Variants in MUC5AC observed in about 807,000 individuals in gnomAD.
MUC5AC encodes mucin-5AC.
A neutral mutation model predicts 169.7 loss-of-function variants in MUC5AC; 158 were observed. The ratio of observed to expected loss-of-function variants is 0.93; its 90% CI spans 0.82 to 1.06. The LOEUF (loss-of-function observed/expected upper bound fraction) is 1.06, where lower values mean the gene tolerates loss of function less well. Among genes scored for constraint, MUC5AC ranks in the 50% least tolerant of loss-of-function variants. MUC5AC has a pLI of 0.00. For synonymous variants in MUC5AC, 1,975 were observed against 1,237.0 expected, an observed-to-expected ratio of 1.60 and a Z score of -12.52; for missense variants, 4,359 against 3,089.9, an observed-to-expected ratio of 1.41 and a Z score of -9.74.
rs1414453898 is a variant in MUC5AC, at chr11:1,194,999, C to T, written c.15191-13C>T. ...TGCTGTCCAGCAGCCTGACCCCCAC[C>T]GCGTCTGCCCAGGCACTTGCACCAA... On this transcript the variant is annotated splice_polypyrimidine_tract_variant and intron_variant, in intron 35 of 48. Coordinates refer to ENST00000621226, the MANE Select transcript of MUC5AC (RefSeq NM_001304359.2). 3.9e-5 allele frequency: 28 copies of T among 717,898 alleles called. No individual in the cohort carries two copies. The highest frequency in any genetic ancestry group is 5.9e-5 in the Non-Finnish European group (23 of 391,660). 44.5% of individuals were successfully genotyped at this position (717,898 alleles called of 1,614,324 possible).
Position 1,192,483 on chromosome 11 carries a change from C to G in MUC5AC, c.14338C>G (p.Gln4780Glu). The G allele has an allele frequency of 1.3e-6, 1 of 765,064 alleles. No homozygotes were observed. Among genetic ancestry groups the G allele is most frequent in the Non-Finnish European group, 2.4e-6 (1 of 417,846 alleles). 47.4% of individuals were successfully genotyped at this position (765,064 alleles called of 1,614,324 possible). The change falls in exon 31 of 49, where the codon CAA becomes GAA. Residue 4780 changes from glutamine to glutamate, a missense_variant. Coordinates refer to ENST00000621226, the MANE Select transcript of MUC5AC (RefSeq NM_001304359.2). ...VASSSVAYST[Q>E]TCFCNVADRL... ...ATCCAGCTCTGTGGCTTACTCCACCCAAACCTGCTTCTGCAACGTGGCTGA... is the reference window on the plus strand; with the variant it reads ...ATCCAGCTCTGTGGCTTACTCCACCGAAACCTGCTTCTGCAACGTGGCTGA...
Position 1,199,956 on chromosome 11 carries a change from G to C in MUC5AC, c.16687G>C (p.Asp5563His), listed in dbSNP as rs780700051. The C allele has an allele frequency of 5.2e-6, 4 of 763,032 alleles. No homozygotes were observed. Among genetic ancestry groups the C allele is most frequent in the Non-Finnish European group, 7.2e-6 (3 of 417,058 alleles). 47.3% of individuals were successfully genotyped at this position (763,032 alleles called of 1,614,324 possible). The change falls in exon 48 of 49, where the codon GAC (aspartate) becomes CAC (histidine). Residue 5563 changes from aspartate to histidine, a missense_variant. Physicochemically the swap from Asp to His is moderately conservative, Grantham distance 81. Transcript: ENST00000621226. ...GGCTTACTGCCGGGGGAACTGTGGG[G>C]ACAGCTCTTCCATGTACGTGCCTGG... ...RLAYCRGNCG[D>H]SSSMYSLEGN... is the part of the protein sequence containing the mutation.
chr11:1,193,518 G>A lies in MUC5AC; in HGVS notation c.14614G>A (p.Glu4872Lys), dbSNP rs1054845966. 7.9e-6 allele frequency: 6 copies of A among 756,314 alleles called. No homozygotes were observed. The highest frequency in any genetic ancestry group is 2.5e-5 in the East Asian group (1 of 40,680). 46.9% of individuals were successfully genotyped at this position (756,314 alleles called of 1,614,324 possible). ...GACCTGGGCCACACCCAACTGCTCCGAGGCCACCTGTGAGGGCAACAACGT... is the reference window on the plus strand; with the variant it reads ...GACCTGGGCCACACCCAACTGCTCCAAGGCCACCTGTGAGGGCAACAACGT... ...GETWATPNCS[E>K]ATCEGNNVIS... Residue 4872 changes from glutamate to lysine, a missense_variant, in exon 33 of 49, where the codon GAG becomes AAG. By Grantham distance (56) the Glu-to-Lys change is moderately conservative. Transcript: ENST00000621226.
At position 1,182,142 on chromosome 11, in the gene MUC5AC, C is replaced by T. The variant is rs1860829391; in HGVS notation, c.4010-13C>T. ...GGCCTCTCATGCTCAGCTGCCTTCT[C>T]TTCTGCCCACAGTCGTGAGCTCCAC... On this transcript the variant is annotated splice_polypyrimidine_tract_variant and intron_variant, in intron 30 of 48. Transcript: ENST00000621226. 1 of 398,506 alleles carries T rather than the reference C, an allele frequency of 2.5e-6. No homozygotes were observed. The highest frequency in any genetic ancestry group is 2.1e-5 in the African/African-American group (1 of 48,632). The allele number at this position is 398,506 out of a possible 1,614,324, so 24.7% of individuals were successfully genotyped here.
In MUC5AC at chr11:1,187,602, G is replaced by A; in HGVS notation, c.9457G>A (p.Gly3153Arg). The change falls in exon 31 of 49, where the codon GGA (glycine) becomes AGA (arginine). Residue 3153 changes from glycine to arginine, a missense_variant. By Grantham distance (125) the Gly-to-Arg change is moderately radical. Transcript: ENST00000621226. ...ASTASKTSGPGTTPSPVPTTS... is the reference protein window; with the variant it reads ...ASTASKTSGPRTTPSPVPTTS... ...TACAGCCAGCAAAACCTCTGGTCCT[G>A]GAACCACTCCCAGCCCTGTTCCCAC... 2.6e-6 allele frequency: 2 copies of A among 761,186 alleles called. No homozygotes were observed. Among genetic ancestry groups the A allele is most frequent in the South Asian group, 1.3e-5 (1 of 74,128 alleles). The allele number at this position is 761,186 out of a possible 1,614,324, so 47.2% of individuals were successfully genotyped here.
Position 1,174,479 on chromosome 11 carries a change from G to T in MUC5AC, c.1966-17G>T. 1 of 1,485,866 alleles carries T rather than the reference G, an allele frequency of 6.7e-7. No individual in the cohort carries two copies. The highest frequency in any genetic ancestry group is 1.2e-5 in the South Asian group (1 of 81,558). 92.0% of individuals were successfully genotyped at this position (1,485,866 alleles called of 1,614,324 possible). A position where few individuals can be genotyped will look rare whatever the true frequency, so the allele number is the denominator to read the frequency against. On this transcript the variant is annotated splice_polypyrimidine_tract_variant and intron_variant, in intron 16 of 48. Coordinates refer to ENST00000621226, the MANE Select transcript of MUC5AC (RefSeq NM_001304359.2). ...GGGCTGGGGTCTCTGATGCCCCGAT[G>T]ACCCCCTTCCCTGCAGAACTGCATG...
intron 24 of MUC5AC, 126 bp from the exon 25 acceptor site, chr11:1,178,317 AC>A (rs1730907053): frequency 2.5e-6 from 1 of 400,786 alleles, no homozygotes; most frequent in Non-Finnish European, 4.4e-6. Context: ...GCTGTTGGCC[AC>A]CTGGGTGGGA....
rs1424030948 is a variant in MUC5AC, at chr11:1,182,479, G to C, written c.4334G>C (p.Arg1445Pro). The change falls in exon 31 of 49, where the codon CGT becomes CCT. Residue 1445 changes from arginine (R) to proline (P), a missense_variant. By Grantham distance (103) the Arg-to-Pro change is moderately radical. Coordinates refer to ENST00000621226, the MANE Select transcript of MUC5AC (RefSeq NM_001304359.2). ...GTGCCGCTCCGAGCCCTGGGGCAGC[G>C]TGTGCAGTGCAGCCCGGATGTGGGG... is the stretch of plus-strand genomic sequence containing the variant. ...PGVPLRALGQ[R>P]VQCSPDVGLT... 2 of 398,544 alleles carry C rather than the reference G, an allele frequency of 5.0e-6. No individual in the cohort carries two copies. The highest frequency in any genetic ancestry group is 3.6e-5 in the East Asian group (1 of 28,072). 24.7% of individuals were successfully genotyped at this position (398,544 alleles called of 1,614,324 possible).
intron 41 of MUC5AC, 96 bp from the exon 42 acceptor site, chr11:1,197,807 T>A: frequency 1.6e-6 from 1 of 639,092 alleles, no homozygotes; most frequent in South Asian, 1.7e-5. Flanking sequence ...CCGAGCGGGC[T>A]GTCTAGGCGG....
At chr11:1,173,011 C>G (rs1860584422) in intron 16 of MUC5AC, among the ~76,000 whole-genome samples, 1 of 151,328 alleles carries the variant, frequency 6.6e-6, no homozygotes, top group African/African-American at 2.4e-5. Context: ...CCCGTTCACC[C>G]ATTCGCCCCC....
chr11:1,199,526 C>A, intron 46 of MUC5AC, 36 bp downstream of exon 46: 4 of 702,508 alleles, frequency 5.7e-6, no homozygotes, highest in Non-Finnish European at 1.0e-5. Flanking sequence ...CCAAGGGGGG[C>A]TTCACCCCTA....
Position 1,177,961 on chromosome 11 carries a change from C to T in MUC5AC, c.3087+328C>T, listed in dbSNP as rs948686112. The stretch of plus-strand genomic sequence containing the variant: ...GCTCCTTTTGGCCCCTTGCATCTGC[C>T]GGGGTCCCCAGCGCTCCTTGGCTGT... On this transcript the variant is annotated intron_variant, in intron 24 of 48. Transcript: ENST00000621226. Among the ~76,000 whole-genome samples, 3 of 152,170 alleles carry T rather than the reference C, an allele frequency of 2.0e-5. 1 individual carries two copies. Among genetic ancestry groups the T allele is most frequent in the South Asian group, 4.1e-4 (2 of 4,832 alleles).
In MUC5AC at chr11:1,162,010, C is replaced by A; in HGVS notation, c.315C>A (p.Tyr105Ter). The A allele has an allele frequency of 1.2e-6, 2 of 1,612,538 alleles. No individual in the cohort carries two copies. The highest frequency in any genetic ancestry group is 1.7e-6 in the Non-Finnish European group (2 of 1,179,758). The change falls in exon 4 of 49, where the codon TAC (tyrosine) becomes TAA (stop). Residue 105 changes from tyrosine to a stop codon, truncating the protein, a stop_gained. Coordinates refer to ENST00000621226, the MANE Select transcript of MUC5AC (RefSeq NM_001304359.2). LOFTEE classifies it high-confidence loss of function. The part of the protein sequence containing the change: ...DVFRFPGLCN[Y>*]VFSEHCGAAY... Reference sequence around the variant, plus strand: ...TCCGCTTCCCCGGCCTCTGCAACTACGTGTTCTCCGAGCACTGCGGTGCCG... The same window carrying A: ...TCCGCTTCCCCGGCCTCTGCAACTAAGTGTTCTCCGAGCACTGCGGTGCCG...
chr11:1,190,550 C>T lies in MUC5AC; in HGVS notation c.12405C>T (p.Thr4135=). 4.3e-6 allele frequency: 3 copies of T among 697,022 alleles called. No homozygotes were observed. The highest frequency in any genetic ancestry group is 7.9e-6 in the Non-Finnish European group (3 of 381,584). 43.2% of individuals were successfully genotyped at this position (697,022 alleles called of 1,614,324 possible). ...PTTSTTSAPT[T]STTSAPTHRT... is the part of the protein sequence containing the mutation. The stretch of plus-strand genomic sequence containing the variant: ...CCAGCACAACCTCTGCCCCTACAAC[C>T]AGCACGACCTCAGCTCCTACACACA... The change falls in exon 31 of 49, where the codon ACC becomes ACT. Residue 4135 remains threonine (T), a synonymous_variant. Coordinates refer to ENST00000621226, the MANE Select transcript of MUC5AC (RefSeq NM_001304359.2).
At position 1,190,566 on chromosome 11, in the gene MUC5AC, C is replaced by T. The variant is rs1590147854; in HGVS notation, c.12421C>T (p.Pro4141Ser). 74 of 697,130 alleles carry T rather than the reference C, an allele frequency of 1.1e-4. No homozygotes were observed. The East Asian group carries it at 1.7e-3, about 16-fold the overall frequency. 43.2% of individuals were successfully genotyped at this position (697,130 alleles called of 1,614,324 possible). ...SAPTTSTTSA[P>S]THRTTSGPTT... Reference sequence around the variant, plus strand: ...CCCTACAACCAGCACGACCTCAGCTCCTACACACAGAACGACTTCTGGTCC... The same window carrying T: ...CCCTACAACCAGCACGACCTCAGCTTCTACACACAGAACGACTTCTGGTCC... The change falls in exon 31 of 49, where the codon CCT (proline) becomes TCT (serine). Residue 4141 changes from proline to serine, a missense_variant. By Grantham distance (74) the Pro-to-Ser change is moderately conservative. Coordinates refer to ENST00000621226, the MANE Select transcript of MUC5AC (RefSeq NM_001304359.2).
chr11:1,166,864 A>T (rs1860347799), intron 11 of MUC5AC, among the ~76,000 whole-genome samples: 1 of 71,776 alleles, frequency 1.4e-5, no homozygotes, highest in Non-Finnish European at 2.6e-5. Context: ...CACCCAACAC[A>T]CAGTCTCCCC....
rs895779157 is a variant in MUC5AC at position 1,182,579 on chromosome 11, C to T, written c.4434C>T (p.Pro1478=). Residue 1478 remains proline, a synonymous_variant, in exon 31 of 49, where the codon CCC becomes CCT. Coordinates refer to ENST00000621226, the MANE Select transcript of MUC5AC (RefSeq NM_001304359.2). ...NYQIRVQCCT[P]LPCSTSSSPA... ...AGATCAGGGTCCAGTGCTGCACGCC[C>T]CTACCCTGCTCCACCTCTAGCAGTC... 5 of 398,662 alleles carry T rather than the reference C, an allele frequency of 1.3e-5. No homozygotes were observed. The highest frequency in any genetic ancestry group is 2.1e-5 in the African/African-American group (1 of 48,594). 24.7% of individuals were successfully genotyped at this position (398,662 alleles called of 1,614,324 possible).
Position 1,189,358 on chromosome 11 carries a change from C to T in MUC5AC, c.11213C>T (p.Ser3738Phe), listed in dbSNP as rs1384510143. The stretch of plus-strand genomic sequence containing the variant: ...TCGGCTCCTACCACCAGCACAATCT[C>T]TGCCCCTACAACCAGCACAATCTCT... The part of the protein sequence containing the change: ...TTSAPTTSTI[S>F]APTTSTISAP... The change falls in exon 31 of 49, where the codon TCT becomes TTT. Residue 3738 changes from serine to phenylalanine, a missense_variant. Coordinates refer to ENST00000621226, the MANE Select transcript of MUC5AC (RefSeq NM_001304359.2). 2 of 574,276 alleles carry T rather than the reference C, an allele frequency of 3.5e-6. No homozygotes were observed. Among genetic ancestry groups the T allele is most frequent in the East Asian group, 2.8e-5 (1 of 35,724 alleles). 35.6% of individuals were successfully genotyped at this position (574,276 alleles called of 1,614,324 possible).
chr11:1,186,457 G>A lies in MUC5AC; in HGVS notation c.8312G>A (p.Ser2771Asn). 1.4e-6 allele frequency: 1 copy of A among 698,786 alleles called. No individual in the cohort carries two copies. Among genetic ancestry groups the A allele is most frequent in the Non-Finnish European group, 2.6e-6 (1 of 382,800 alleles). 43.3% of individuals were successfully genotyped at this position (698,786 alleles called of 1,614,324 possible). Residue 2771 changes from serine (S) to asparagine (N), a missense_variant, in exon 31 of 49, where the codon AGC becomes AAC. Ser to Asn is a conservative substitution (Grantham distance 46). Coordinates refer to ENST00000621226, the MANE Select transcript of MUC5AC (RefSeq NM_001304359.2). ...TTSTTSATTTSTTSATTTSTI... is the reference protein window; with the variant it reads ...TTSTTSATTTNTTSATTTSTI... ...AGCACAACCTCTGCGACTACAACCA[G>A]CACAACCTCTGCTACTACAACCAGC...
Sources: allele counts gnomAD v4.1 joint callset (sites outside exome capture counted in the v4.1 genomes callset), GRCh38; gene constraint gnomAD v4.1.1; transcripts MANE v1.5; gene names NCBI Gene and HGNC (gene_info 2026-07-23, HGNC 2026-07-21).